The following MACROD2 variants were observed in gnomAD, a reference collection of about 807,000 sequenced individuals.
The protein encoded by MACROD2 is ADP-ribose glycohydrolase MACROD2.
A neutral mutation model predicts 70.4 loss-of-function variants in MACROD2; 36 were observed. The ratio of observed to expected loss-of-function variants is 0.51; its 90% CI spans 0.39 to 0.68. MACROD2 has a LOEUF of 0.68. MACROD2 is among the 30% of genes least tolerant of loss of function. The probability of loss-of-function intolerance (pLI) is 0.00; values close to 1 mark genes in which losing one functional copy is unlikely to be tolerated. For missense variants in MACROD2, 496 were observed against 538.4 expected (o/e 0.92, Z 0.78); for synonymous variants, 172 against 178.8 (o/e 0.96, Z 0.30).
chr20:14,470,554 G>A (rs2084516677), intron 3 of MACROD2, among the ~76,000 whole-genome samples: 1 of 152,156 alleles, frequency 6.6e-6, no homozygotes, highest in Non-Finnish European at 1.5e-5. Context: ...CTCTGTCCCA[G>A]GAAGATGGGA....
intron 13 of MACROD2, among the ~76,000 whole-genome samples, chr20:15,980,389 TCTCA>T (rs1427514755): frequency 1.3e-5 from 2 of 152,332 alleles, no homozygotes; most frequent in African/African-American, 4.8e-5. Flanking sequence ...TAGTGGGAGT[TCTCA>T]CTCTTATTTT....
chr20:15,050,031 TC>T (rs2075426824), intron 5 of MACROD2, among the ~76,000 whole-genome samples: 1 of 152,114 alleles, frequency 6.6e-6, no homozygotes. Context: ...ATAGAAAGCT[TC>T]CTGCCTCTAA....
intron 6 of MACROD2, among the ~76,000 whole-genome samples, chr20:15,384,453 G>A (rs532458978): frequency 9.3e-4 from 141 of 152,072 alleles, no homozygotes; most frequent in African/African-American, 3.2e-3. Context: ...TAGTAGAGTC[G>A]GGGTCTCACC....
chr20:14,807,385 A>C (rs1403774231), intron 5 of MACROD2, among the ~76,000 whole-genome samples: 4 of 152,168 alleles, frequency 2.6e-5, no homozygotes, highest in African/African-American at 9.6e-5. Flanking sequence ...AACAGAAAGC[A>C]ATATCATCAA....
intron 3 of MACROD2, among the ~76,000 whole-genome samples, chr20:14,416,063 A>G (rs937426014): frequency 1.3e-5 from 2 of 150,734 alleles, no homozygotes; most frequent in African/African-American, 2.4e-5. Flanking sequence ...GCTTCAAGTG[A>G]TTCTCCTGCC....
chr20:15,795,644 G>A (rs553093973), intron 8 of MACROD2, among the ~76,000 whole-genome samples: 26 of 152,280 alleles, frequency 1.7e-4, no homozygotes, highest in African/African-American at 4.6e-4. Context: ...CTGTAGTCCC[G>A]ATTTATTAAG....
chr20:14,315,145 A>G (rs2082602448), intron 3 of MACROD2, among the ~76,000 whole-genome samples: 1 of 152,216 alleles, frequency 6.6e-6, no homozygotes, highest in Non-Finnish European at 1.5e-5. Context: ...GAGTCAAGAC[A>G]CTTGGATTTG....
Position 15,930,527 on chromosome 20 carries a change from G to A in MACROD2, c.776-2749G>A, listed in dbSNP as rs6135609. Among the ~76,000 whole-genome samples, 49 of 152,292 alleles carry A rather than the reference G, an allele frequency of 3.2e-4. No individual in the cohort carries two copies. The East Asian group carries it at 8.3e-3, about 26-fold the overall frequency. On this transcript the variant is annotated intron_variant, in intron 10 of 17. Coordinates refer to ENST00000684519, the MANE Select transcript of MACROD2 (RefSeq NM_001351661.2). ...TGCACTGTCTTGGAAATTGATGAAA[G>A]CAATATACCTGGACCGTTTTATCTG...
intron 3 of MACROD2, among the ~76,000 whole-genome samples, chr20:14,263,796 A>C (rs2122322967): frequency 6.6e-6 from 1 of 150,636 alleles, no homozygotes; most frequent in Middle Eastern, 3.4e-3. Flanking sequence ...TCCCGACTCC[A>C]CACACACACA....
Position 14,702,639 on chromosome 20 carries a change from A to G in MACROD2, c.418+17680A>G, listed in dbSNP as rs201800710. On this transcript the variant is annotated intron_variant, in intron 5 of 17. Transcript: ENST00000684519. The stretch of plus-strand genomic sequence containing the variant: ...TATATATATATACATATATATATGT[A>G]TATATATATACACATATATATGTGT... Among the ~76,000 whole-genome samples, 188 of 51,070 alleles carry G rather than the reference A, an allele frequency of 3.7e-3. 3 individuals carry two copies. The highest frequency in any genetic ancestry group is 1.0e-2 in the African/African-American group (128 of 12,864). The allele number at this position is 51,070 out of a possible 152,430, so 33.5% of individuals were successfully genotyped here.
chr20:14,080,772 C>T (rs766696356), intron 2 of MACROD2, among the ~76,000 whole-genome samples: 2 of 152,048 alleles, frequency 1.3e-5, no homozygotes, highest in Admixed American at 6.6e-5. Flanking sequence ...CTAGTTTCCT[C>T]TGATAGCCTA....
chr20:14,022,519 T>C (rs1310831214), intron 2 of MACROD2, among the ~76,000 whole-genome samples: 5 of 151,844 alleles, frequency 3.3e-5, no homozygotes, highest in Non-Finnish European at 5.9e-5. Context: ...GAGGTATACA[T>C]GTGCCATGGT....
At chr20:14,196,344 A>G (rs1191164740) in intron 3 of MACROD2, among the ~76,000 whole-genome samples, 1 of 152,230 alleles carries the variant, frequency 6.6e-6, no homozygotes, top group African/African-American at 2.4e-5. Context: ...GTGTACTGAC[A>G]TGACTTTCTG....
intron 8 of MACROD2, among the ~76,000 whole-genome samples, chr20:15,822,451 G>A (rs2063949167): frequency 6.6e-6 from 1 of 152,074 alleles, no homozygotes; most frequent in Non-Finnish European, 1.5e-5. Context: ...CATGTTTGAA[G>A]TCATAACTTA....
At chr20:14,752,566 A>G (rs1453459302) in intron 5 of MACROD2, among the ~76,000 whole-genome samples, 2 of 152,040 alleles carry the variant, frequency 1.3e-5, no homozygotes, top group African/African-American at 4.8e-5. Context: ...TTTTGCCCCC[A>G]TCTGATCTGT....
chr20:15,629,551 T>G (rs1568939342), intron 8 of MACROD2, among the ~76,000 whole-genome samples: 2 of 152,240 alleles, frequency 1.3e-5, no homozygotes, highest in African/African-American at 2.4e-5. Context: ...TCCTGATATT[T>G]AATCAGTGCT....
At chr20:14,319,705 C>G (rs2082641874) in intron 3 of MACROD2, among the ~76,000 whole-genome samples, 1 of 152,130 alleles carries the variant, frequency 6.6e-6, no homozygotes, top group African/African-American at 2.4e-5. Flanking sequence ...TGACATCCTC[C>G]TTTTTTAATA....
chr20:14,541,718 G>A (rs778940854), intron 4 of MACROD2, among the ~76,000 whole-genome samples: 18 of 152,042 alleles, frequency 1.2e-4, no homozygotes, highest in Admixed American at 7.2e-4. Context: ...GTGTGGTTAT[G>A]TTTCCTGAGG....
At chr20:15,947,159 G>A (rs1019831865) in intron 12 of MACROD2, among the ~76,000 whole-genome samples, 4 of 152,000 alleles carry the variant, frequency 2.6e-5, no homozygotes, top group African/African-American at 9.7e-5. Context: ...CAGTTCCCAG[G>A]GGCAGGCAGG....
Sources: gnomAD v4.1 joint callset for allele counts (sites outside exome capture counted in the v4.1 genomes callset) on GRCh38, gnomAD v4.1.1 for gene constraint, MANE v1.5 for transcripts, NCBI Gene and HGNC (gene_info 2026-07-23, HGNC 2026-07-21) for gene names.